The following CD70 variants were observed in gnomAD, a reference collection of about 807,000 sequenced individuals.
CD70 encodes CD70 molecule.
CD70 carries 6 observed loss-of-function variants against 9.0 expected under a neutral mutation model. That is an observed-to-expected ratio of 0.67 (90% CI 0.37 to 1.32). CD70 has a LOEUF of 1.32. CD70 is among the 40% of genes most tolerant of loss of function. The pLI, the probability that CD70 is intolerant of heterozygous loss-of-function variation, is 0.02. For missense variants in CD70, 235 were observed against 258.7 expected (o/e 0.91, Z 0.63); for synonymous variants, 108 against 112.3 (o/e 0.96, Z 0.24).
intron 2 of CD70, among the ~76,000 whole-genome samples, chr19:6,589,188 CCT>C (rs1916093371): frequency 6.7e-6 from 1 of 149,578 alleles, no homozygotes; most frequent in Non-Finnish European, 1.5e-5. Flanking sequence ...TCTTCTTCCC[CCT>C]CTCTGTCTCT....
chr19:6,587,252 G>C (rs1050883062), intron 2 of CD70, among the ~76,000 whole-genome samples: 38 of 151,198 alleles, frequency 2.5e-4, no homozygotes, highest in Non-Finnish European at 5.0e-4. Context: ...GCTTGAGGGA[G>C]AGTGCACGAG....
rs1001875028 is a variant in CD70 at position 6,591,085 on chromosome 19, C to A, written c.-83G>T. On this transcript the variant is annotated 5_prime_UTR_variant, in exon 1 of 3. Coordinates refer to ENST00000245903, the MANE Select transcript of CD70 (RefSeq NM_001252.5). ...CGAGAAGGAAGGAAGGAAACTGCAG[C>A]CCCCTCCCGGGGCTCCTGGGCGTCT... 7.0e-7 allele frequency: 1 copy of A among 1,431,504 alleles called. No homozygotes were observed. The allele number at this position is 1,431,504 out of a possible 1,614,324, so 88.7% of individuals were successfully genotyped here.
intron 2 of CD70, among the ~76,000 whole-genome samples, chr19:6,589,418 C>A (rs1339959213): frequency 6.7e-6 from 1 of 150,070 alleles, no homozygotes; most frequent in African/African-American, 2.5e-5. Flanking sequence ...TTGACAGAAT[C>A]TCCCTCTGTC....
downstream of CD70, chr19:6,583,480 T>A: frequency 1.6e-6 from 1 of 639,792 alleles, no homozygotes; most frequent in Non-Finnish European, 2.9e-6. Flanking sequence ...CAAAAAGCCC[T>A]GGAAATCAAG....
chr19:6,587,466 G>A (rs1437784909), intron 2 of CD70, among the ~76,000 whole-genome samples: 1 of 151,768 alleles, frequency 6.6e-6, no homozygotes, highest in African/African-American at 2.4e-5. Flanking sequence ...GAGAGTGCAC[G>A]GGAGTGAGCG....
downstream of CD70, chr19:6,583,553 CTTTTTTTTT>C (rs72193958): frequency 2.5e-5 from 10 of 402,632 alleles, no homozygotes; most frequent in African/African-American, 1.2e-4. Context: ...TAATTGTAGT[CTTTTTTTTT>C]TTTTTTTTTT....
Position 6,590,469 on chromosome 19 carries a change from C to T in CD70, c.163-333G>A, listed in dbSNP as rs542967676. On this transcript the variant is annotated intron_variant, in intron 1 of 2. Transcript: ENST00000245903. This position sits in a 1 kb window ranked among gnomAD's most constrained non-coding sequence, Gnocchi z 5.3. Reference sequence around the variant, plus strand: ...CGCCCGGCGCGGTCCCCAAAGGGACCCCTCCCCCACCCGGAGCGAGTGGCT... The same window carrying T: ...CGCCCGGCGCGGTCCCCAAAGGGACTCCTCCCCCACCCGGAGCGAGTGGCT... Among the ~76,000 whole-genome samples the T allele has an allele frequency of 6.6e-6, 1 of 152,234 alleles. No individual in the cohort carries two copies. The highest frequency in any genetic ancestry group is 2.1e-4 in the South Asian group (1 of 4,826).
At position 6,590,030 on chromosome 19, in the gene CD70, T is replaced by G; in HGVS notation, c.196+73A>C. The G allele has an allele frequency of 8.0e-7, 1 of 1,243,434 alleles. No homozygotes were observed. The highest frequency in any genetic ancestry group is 1.2e-6 in the Non-Finnish European group (1 of 862,364). 77.0% of individuals were successfully genotyped at this position (1,243,434 alleles called of 1,614,324 possible). On this transcript the variant is annotated intron_variant, in intron 2 of 2. Transcript: ENST00000245903. This position sits in a 1 kb window ranked among gnomAD's most constrained non-coding sequence, Gnocchi z 5.3. ...CTCTTTCTCTCTGTCTCTCCCCACT[T>G]GTCTTTCTACCTCTCCTTCCTTCTC...
At chr19:6,589,945 C>G (rs1057136167) in intron 2 of CD70, among the ~76,000 whole-genome samples, 158 bp downstream of exon 2, 2 of 134,048 alleles carry the variant, frequency 1.5e-5, no homozygotes, top group Non-Finnish European at 3.5e-5. Context: ...CTCTCTGTCT[C>G]CCCCTCTCCG....
chr19:6,584,631 G>A (rs1314821806), downstream of CD70, among the ~76,000 whole-genome samples: 5 of 149,654 alleles, frequency 3.3e-5, no homozygotes, highest in Admixed American at 6.7e-5. Flanking sequence ...AGACCGAGGC[G>A]GGAAGATCGG....
At chr19:6,587,803 G>A (rs1279754652) in intron 2 of CD70, among the ~76,000 whole-genome samples, 1 of 152,122 alleles carries the variant, frequency 6.6e-6, no homozygotes, top group Admixed American at 6.5e-5. Flanking sequence ...TCAGCCTCTG[G>A]GGCTCAAGCT....
chr19:6,587,230 G>C (rs1360385131), intron 2 of CD70, among the ~76,000 whole-genome samples: 3 of 151,682 alleles, frequency 2.0e-5, no homozygotes, highest in Non-Finnish European at 2.9e-5. Flanking sequence ...GTGTGAGAGA[G>C]AGGACGAGAG....
Position 6,586,246 on chromosome 19 carries a change from G to A in CD70, c.356C>T (p.Thr119Met), listed in dbSNP as rs371201747. Residue 119 changes from threonine (T) to methionine (M), a missense_variant, in exon 3 of 3, where the codon ACG becomes ATG. Transcript: ENST00000245903. ...QVTLAICSSTTASRHHPTTLA... is the reference protein window; with the variant it reads ...QVTLAICSSTMASRHHPTTLA... ...GGTGGTGGGGTGGTGCCTGGAGGCC[G>A]TCGTGGAGGAGCAGATGGCCAGCGT... 60 of 1,614,012 alleles carry A rather than the reference G, an allele frequency of 3.7e-5. No individual in the cohort carries two copies. Among genetic ancestry groups the A allele is most frequent in the African/African-American group, 2.1e-4 (16 of 75,024 alleles).
rs34080876 is a variant in CD70, at chr19:6,586,179, G to A, written c.423C>T (p.Ser141=). The A allele has an allele frequency of 5.4e-4, 879 of 1,614,158 alleles. 2 individuals carry two copies. The African/African-American group carries it at 0.01, about 19-fold the overall frequency. Residue 141 remains serine, a synonymous_variant, in exon 3 of 3, where the codon AGC becomes AGT. Coordinates refer to ENST00000245903, the MANE Select transcript of CD70 (RefSeq NM_001252.5). ...CTTGGTGGAAGCTGAGACGCAGCAG[G>A]CTGATGCTACGGGAGGCGGGAGAGC... ...GICSPASRSI[S]LLRLSFHQGC...
chr19:6,587,269 A>AGAGAGCAC (rs1376204289), intron 2 of CD70, among the ~76,000 whole-genome samples: 4 of 140,134 alleles, frequency 2.9e-5, no homozygotes, highest in African/African-American at 1.1e-4. Flanking sequence ...CGAGAGAGTG[A>AGAGAGCAC]GAGAGAGCAC....
downstream of CD70, chr19:6,585,731 GTGGCGCA>G: frequency 3.2e-6 from 1 of 308,932 alleles, no homozygotes; most frequent in Non-Finnish European, 6.1e-6. Context: ...TTGGAGTGCA[GTGGCGCA>G]ATCTCGGCTC....
chr19:6,587,182 G>C (rs1916041780), intron 2 of CD70, among the ~76,000 whole-genome samples: 1 of 146,878 alleles, frequency 6.8e-6, no homozygotes, highest in South Asian at 2.2e-4. Flanking sequence ...GAGAGAGAGA[G>C]AGATCATGAG....
chr19:6,582,546 A>C (rs1186286039), downstream of CD70, among the ~76,000 whole-genome samples: 1 of 125,450 alleles, frequency 8.0e-6, no homozygotes, highest in Admixed American at 9.1e-5. Context: ...CCGGTGTGTG[A>C]TGTTCTCCTC....
At chr19:6,586,902 C>CAA (rs55803401) in intron 2 of CD70, among the ~76,000 whole-genome samples, 17,310 of 85,190 alleles carry the variant, frequency 0.2, 3,268 homozygotes, top group Non-Finnish European at 0.25. Flanking sequence ...GAGAGAGAGA[C>CAA]AAAAAAAAAA....
Sources: gnomAD v4.1 joint callset for allele counts (sites outside exome capture counted in the v4.1 genomes callset) on GRCh38, gnomAD v4.1.1 for gene constraint, Gnocchi (gnomAD v3.1) non-coding constraint, MANE v1.5 for transcripts, NCBI Gene and HGNC (gene_info 2026-07-23, HGNC 2026-07-21) for gene names.